The following RAPH1 variants were observed in gnomAD, a reference collection of about 807,000 sequenced individuals.
RAPH1 encodes Ras association (RalGDS/AF-6) and pleckstrin homology domains 1, also known as ras-associated and pleckstrin homology domains-containing protein 1.
A neutral mutation model predicts 88.1 loss-of-function variants in RAPH1; 18 were observed. The observed-to-expected ratio is 0.20, with a 90% CI of 0.14 to 0.30. The LOEUF (loss-of-function observed/expected upper bound fraction) is 0.30, where lower values mean the gene tolerates loss of function less well. Among genes scored for constraint, RAPH1 ranks in the 10% least tolerant of loss-of-function variants. The probability of loss-of-function intolerance (pLI) is 1.00; values close to 1 mark genes in which losing one functional copy is unlikely to be tolerated. For missense variants in RAPH1, 1,448 were observed against 1,543.2 expected (o/e 0.94, Z 1.03); for synonymous variants, 587 against 559.0 (o/e 1.05, Z -0.71).
chr2:203,477,317 T>C (rs993361600), intron 4 of RAPH1, among the ~76,000 whole-genome samples: 2 of 152,248 alleles, frequency 1.3e-5, no homozygotes, highest in Non-Finnish European at 2.9e-5. Context: ...CATTCTCTTA[T>C]ACGCAAAAAT....
At chr2:203,467,472 G>A (rs1398735692) in intron 4 of RAPH1, among the ~76,000 whole-genome samples, 2 of 151,702 alleles carry the variant, frequency 1.3e-5, no homozygotes, top group African/African-American at 4.8e-5. Context: ...GGTGGCACAT[G>A]CCTGTAATCC....
chr2:203,504,656 G>A (rs2105893032), intron 1 of RAPH1, among the ~76,000 whole-genome samples: 1 of 148,196 alleles, frequency 6.7e-6, no homozygotes, highest in African/African-American at 2.6e-5. Context: ...TCTGCAGCTG[G>A]ATTGAATTTC....
At chr2:203,484,922 G>A (rs1342803716) in intron 4 of RAPH1, among the ~76,000 whole-genome samples, 1 of 152,174 alleles carries the variant, frequency 6.6e-6, no homozygotes, top group Non-Finnish European at 1.5e-5. Flanking sequence ...AGTCCATACA[G>A]CTCACCACAG....
At chr2:203,475,966 TGTAA>T (rs1687419947) in intron 4 of RAPH1, among the ~76,000 whole-genome samples, 1 of 152,162 alleles carries the variant, frequency 6.6e-6, no homozygotes, top group Non-Finnish European at 1.5e-5. Flanking sequence ...AAAGTAGGTA[TGTAA>T]GTAGGTTATA....
chr2:203,455,420 C>T lies in RAPH1; in HGVS notation c.1302+17G>A, dbSNP rs777263875. The T allele has an allele frequency of 6.2e-7, 1 of 1,603,204 alleles. No individual in the cohort carries two copies. Among genetic ancestry groups the T allele is most frequent in the Non-Finnish European group, 8.5e-7 (1 of 1,175,620 alleles). Reference sequence around the variant, plus strand: ...TAGCATAATGAGGAAGTTCAAATTCCAACAGAAGGGACACACCTTTGCTTT... The same window carrying T: ...TAGCATAATGAGGAAGTTCAAATTCTAACAGAAGGGACACACCTTTGCTTT... On this transcript the variant is annotated intron_variant, in intron 9 of 13. Coordinates refer to ENST00000319170, the MANE Select transcript of RAPH1 (RefSeq NM_213589.3).
intron 7 of RAPH1, 54 bp downstream of exon 7, chr2:203,459,852 AT>A: frequency 6.4e-7 from 1 of 1,571,110 alleles, no homozygotes; most frequent in East Asian, 2.3e-5. Flanking sequence ...CAGTAATCGA[AT>A]AAAATAGGAG....
At chr2:203,528,996 T>TAC (rs1690252480) in intron 1 of RAPH1, among the ~76,000 whole-genome samples, 1 of 87,814 alleles carries the variant, frequency 1.1e-5, no homozygotes, top group Non-Finnish European at 2.2e-5. Context: ...TATATATATA[T>TAC]ATATATATAT....
intron 1 of RAPH1, among the ~76,000 whole-genome samples, chr2:203,506,144 AG>A (rs1409119176): frequency 2.6e-5 from 4 of 152,210 alleles, no homozygotes; most frequent in East Asian, 3.8e-4. Context: ...TTGAGAGGAA[AG>A]GGGGTAACAA....
At chr2:203,454,658 T>A in intron 9 of RAPH1, 118 bp from the exon 10 acceptor site, 2 of 646,030 alleles carry the variant, frequency 3.1e-6, no homozygotes, top group Non-Finnish European at 5.2e-6. Context: ...AAATAGAAAT[T>A]ATTGCTATTT....
At chr2:203,505,849 G>GCACA (rs147598208) in intron 1 of RAPH1, among the ~76,000 whole-genome samples, 1 of 151,498 alleles carries the variant, frequency 6.6e-6, no homozygotes. Context: ...GCGCGCGCAC[G>GCACA]CACACACACA....
chr2:203,520,510 C>T (rs1689819002), intron 1 of RAPH1, among the ~76,000 whole-genome samples: 2 of 151,768 alleles, frequency 1.3e-5, no homozygotes, highest in Non-Finnish European at 2.9e-5. Flanking sequence ...GCCTGTAGTT[C>T]GAGCTACTCA....
At chr2:203,527,800 CAAAAAAAAAAAAA>C (rs59384499) in intron 1 of RAPH1, among the ~76,000 whole-genome samples, 1 of 51,240 alleles carries the variant, frequency 2.0e-5, no homozygotes, top group African/African-American at 5.9e-5. Context: ...AACTCCATCT[CAAAAAAAAAAAAA>C]AAAAAAAAAA....
intron 4 of RAPH1, among the ~76,000 whole-genome samples, chr2:203,463,779 T>C (rs1379065257): frequency 2.0e-5 from 3 of 152,172 alleles, no homozygotes; most frequent in South Asian, 2.1e-4. Flanking sequence ...AATAAACAAA[T>C]AGCAGAATTA....
rs1353386367 is a variant in RAPH1, at chr2:203,437,015, T to C, written c.*2422A>G. ...CCTGTTGTCGGACAAGCCACTGGAC[T>C]GGGGTTAAAATGAGTCTCCTCCTCT... On this transcript the variant is annotated 3_prime_UTR_variant, in exon 14 of 14. Transcript: ENST00000319170. 1.0e-5 allele frequency: 1 copy of C among 97,366 alleles called. No individual in the cohort carries two copies. The highest frequency in any genetic ancestry group is 2.1e-5 in the Non-Finnish European group (1 of 46,812). 6.0% of individuals were successfully genotyped at this position (97,366 alleles called of 1,614,324 possible).
intron 13 of RAPH1, chr2:203,441,876 A>G (rs2098504560): frequency 7.4e-7 from 1 of 1,350,910 alleles, no homozygotes; most frequent in Non-Finnish European, 9.5e-7. Flanking sequence ...TGGGTTTAGG[A>G]GGGCTTCCTG....
In RAPH1 at chr2:203,433,983, A is replaced by G. The variant is rs2098495603; in HGVS notation, c.*5454T>C. ...AACTTGGAAAATAACTTAATCCAGC[A>G]GAACAAAAACATCCTCAGAAAAACA... is the stretch of plus-strand genomic sequence containing the variant. On this transcript the variant is annotated 3_prime_UTR_variant, in exon 14 of 14. Coordinates refer to ENST00000319170, the MANE Select transcript of RAPH1 (RefSeq NM_213589.3). 1 of 152,412 alleles carries G rather than the reference A, an allele frequency of 6.6e-6. No individual in the cohort carries two copies. Among genetic ancestry groups the G allele is most frequent in the Admixed American group, 6.6e-5 (1 of 15,252 alleles). 9.4% of individuals were successfully genotyped at this position (152,412 alleles called of 1,614,324 possible).
intron 10 of RAPH1, among the ~76,000 whole-genome samples, chr2:203,450,894 A>AG (rs1553620393): frequency 6.8e-6 from 1 of 148,002 alleles, no homozygotes; most frequent in African/African-American, 2.5e-5. Context: ...GCACAAAAAG[A>AG]GGGTTTTTTT....
intron 1 of RAPH1, among the ~76,000 whole-genome samples, chr2:203,506,846 CTATCTATATCTATATA>C (rs1689079592): frequency 1.5e-5 from 1 of 66,482 alleles, no homozygotes; most frequent in African/African-American, 1.1e-4. Context: ...ATCTATATAT[CTATCTATATCTATATA>C]TATATATATA....
chr2:203,490,057 C>A lies in RAPH1; in HGVS notation c.259G>T (p.Asp87Tyr). Residue 87 changes from aspartate to tyrosine, a missense_variant, in exon 4 of 14, where the codon GAT becomes TAT. Around this residue, in one of 2 missense-constraint regions of RAPH1, gnomAD observed 513 missense variants for 653.1 expected, o/e 0.79. Transcript: ENST00000319170. The part of the protein sequence containing the change: ...ALNQGETVDL[D>Y]ALMADLCSIE... ...GAGCAAAGATCAGCCATCAAGGCATCCAGATCCACAGTCTCTCCCTGATTC... is the reference window on the plus strand; with the variant it reads ...GAGCAAAGATCAGCCATCAAGGCATACAGATCCACAGTCTCTCCCTGATTC... 6.2e-7 allele frequency: 1 copy of A among 1,613,118 alleles called. No homozygotes were observed. The highest frequency in any genetic ancestry group is 1.1e-5 in the South Asian group (1 of 91,018).
Sources: gnomAD v4.1 joint callset for allele counts (sites outside exome capture counted in the v4.1 genomes callset) on GRCh38, gnomAD v4.1.1 for gene constraint, gnomAD v4.1.1 regional missense constraint, MANE v1.5 for transcripts, NCBI Gene and HGNC (gene_info 2026-07-23, HGNC 2026-07-21) for gene names.